Variants in NBEAL1 observed in about 807,000 individuals in gnomAD.
NBEAL1 encodes the protein neurobeachin-like protein 1.
A neutral mutation model predicts 351.3 loss-of-function variants in NBEAL1; 273 were observed. That is an observed-to-expected ratio of 0.78 (90% CI 0.70 to 0.86). The LOEUF (loss-of-function observed/expected upper bound fraction) is 0.86, where lower values mean the gene tolerates loss of function less well. Ranked by LOEUF, NBEAL1 falls within the 40% of genes least tolerant of loss-of-function variation. NBEAL1 has a pLI of 0.00. For missense variants in NBEAL1, 2,961 were observed against 3,201.3 expected (o/e 0.92, Z 1.81); for synonymous variants, 1,050 against 1,086.4 (o/e 0.97, Z 0.66).
chr2:203,082,549 A>G (rs772824628), intron 8 of NBEAL1, among the ~76,000 whole-genome samples: 8 of 152,204 alleles, frequency 5.3e-5, no homozygotes, highest in Non-Finnish European at 1.0e-4. Flanking sequence ...CTTGACATAT[A>G]ACTACCAATT....
intron 2 of NBEAL1, among the ~76,000 whole-genome samples, chr2:203,020,528 G>A (rs1052039556): frequency 2.6e-5 from 4 of 151,898 alleles, no homozygotes; most frequent in African/African-American, 7.3e-5. Flanking sequence ...AAAATTAGCC[G>A]GGCATGGTGG....
rs1454687603 is a variant in NBEAL1 at position 203,113,039 on chromosome 2, T to C, written c.2227T>C (p.Ser743Pro). The C allele has an allele frequency of 2.6e-6, 4 of 1,511,774 alleles. No individual in the cohort carries two copies. The highest frequency in any genetic ancestry group is 3.5e-6 in the Non-Finnish European group (4 of 1,128,336). 93.6% of individuals were successfully genotyped at this position (1,511,774 alleles called of 1,614,324 possible). Residue 743 changes from serine to proline, a missense_variant, in exon 17 of 56, where the codon TCA becomes CCA. By Grantham distance (74) the Ser-to-Pro change is moderately conservative (BLOSUM62 -1). Coordinates refer to ENST00000683969, the MANE Select transcript of NBEAL1 (RefSeq NM_001378026.1). ...GCCCTTTACTTCCTGTTGCATTGGT[T>C]CAGCTGGGCAAAGAACCACCACTCC... ...NEPFTSCCIG[S>P]AGQRTTTPPP...
At chr2:203,142,330 A>G (rs560468310) in intron 31 of NBEAL1, among the ~76,000 whole-genome samples, 37 of 152,130 alleles carry the variant, frequency 2.4e-4, no homozygotes, top group Non-Finnish European at 2.9e-4. Context: ...TAATTTTTGT[A>G]TTTTTAGTAG....
At chr2:203,040,703 T>G in intron 2 of NBEAL1, 1 of 620,642 alleles carries the variant, frequency 1.6e-6, no homozygotes, top group Non-Finnish European at 3.0e-6. Context: ...GGGAAGTATT[T>G]CCAGGAGATC....
chr2:203,113,103 C>G lies in NBEAL1; in HGVS notation c.2291C>G (p.Pro764Arg), dbSNP rs777601836. Reference sequence around the variant, plus strand: ...ATCCCAGATCCACCTTTCTCTTCTCCCATTACCCCTCATCGGACATCATTT... The same window carrying G: ...ATCCCAGATCCACCTTTCTCTTCTCGCATTACCCCTCATCGGACATCATTT... ...SQIPDPPFSS[P>R]ITPHRTSFGG... The change falls in exon 17 of 56, where the codon CCC becomes CGC. Residue 764 changes from proline (P) to arginine (R), a missense_variant. Pro to Arg is a moderately radical substitution (Grantham distance 103). Coordinates refer to ENST00000683969, the MANE Select transcript of NBEAL1 (RefSeq NM_001378026.1). The G allele has an allele frequency of 5.8e-6, 9 of 1,552,398 alleles. No individual in the cohort carries two copies. The South Asian group carries it at 9.5e-5, about 16-fold the overall frequency.
intron 46 of NBEAL1, among the ~76,000 whole-genome samples, chr2:203,192,165 A>C (rs530023350): frequency 1.8e-4 from 27 of 152,306 alleles, no homozygotes; most frequent in African/African-American, 6.5e-4. Flanking sequence ...TGTGAAGTCA[A>C]TGCTTTATCC....
chr2:203,124,166 G>A (rs919696203), intron 19 of NBEAL1, among the ~76,000 whole-genome samples: 1 of 151,990 alleles, frequency 6.6e-6, no homozygotes. Flanking sequence ...GCAAAACTTT[G>A]TACAAAAAAT....
chr2:203,056,882 A>G (rs1223936088), intron 5 of NBEAL1, among the ~76,000 whole-genome samples: 2 of 152,122 alleles, frequency 1.3e-5, no homozygotes, highest in Non-Finnish European at 2.9e-5. Flanking sequence ...TATTTTTTAT[A>G]TTATAGTTAG....
In NBEAL1 at chr2:203,126,850, A is replaced by C. The variant is rs763314269; in HGVS notation, c.3172A>C (p.Ile1058Leu). 2.9e-5 allele frequency: 45 copies of C among 1,552,464 alleles called. No individual in the cohort carries two copies. The highest frequency in any genetic ancestry group is 3.9e-5 in the Non-Finnish European group (45 of 1,147,110). ...IGHIQYLSTIIKDSRRVFRKK... is the reference protein window; with the variant it reads ...IGHIQYLSTILKDSRRVFRKK... ...TCACATACAGTATCTTTCAACCATC[A>C]TTAAAGACAGCAGGAGAGTTTTCCG... Residue 1058 changes from isoleucine to leucine, a missense_variant, in exon 23 of 56, where the codon ATT (isoleucine) becomes CTT (leucine). By Grantham distance (5) the Ile-to-Leu change is conservative. Coordinates refer to ENST00000683969, the MANE Select transcript of NBEAL1 (RefSeq NM_001378026.1).
At position 203,217,448 on chromosome 2, in the gene NBEAL1, C is replaced by T; in HGVS notation, c.*94C>T. ...CTCAACTCTCTGCAATGTTGCAAGGCTTTTATCCCTGAAAATCATTTACAG... is the reference window on the plus strand; with the variant it reads ...CTCAACTCTCTGCAATGTTGCAAGGTTTTTATCCCTGAAAATCATTTACAG... On this transcript the variant is annotated 3_prime_UTR_variant, in exon 56 of 56. Transcript: ENST00000683969. The T allele has an allele frequency of 7.4e-7, 1 of 1,350,070 alleles. No individual in the cohort carries two copies. The highest frequency in any genetic ancestry group is 9.6e-7 in the Non-Finnish European group (1 of 1,044,718). 83.6% of individuals were successfully genotyped at this position (1,350,070 alleles called of 1,614,324 possible).
intron 55 of NBEAL1, among the ~76,000 whole-genome samples, chr2:203,214,889 T>A (rs951694980): frequency 7.9e-5 from 12 of 152,346 alleles, no homozygotes; most frequent in Admixed American, 5.9e-4. Flanking sequence ...TTTAATCATG[T>A]ACCAGTTTAT....
intron 8 of NBEAL1, 108 bp from the exon 9 acceptor site, chr2:203,083,111 C>CT: frequency 2.1e-6 from 2 of 963,862 alleles, no homozygotes; most frequent in Non-Finnish European, 3.0e-6. Flanking sequence ...ATTTTTATGT[C>CT]TTTATTAAAA....
At chr2:203,191,151 A>T (rs2065070401) in intron 46 of NBEAL1, 1 of 1,579,378 alleles carries the variant, frequency 6.3e-7, no homozygotes, top group Non-Finnish European at 8.6e-7. Flanking sequence ...TAGCCAGAGA[A>T]CTCTCTGGAA....
At chr2:203,126,737 A>G (rs1040046137) in intron 22 of NBEAL1, 21 bp downstream of exon 22, 2 of 1,512,248 alleles carry the variant, frequency 1.3e-6, no homozygotes, top group African/African-American at 2.8e-5. Flanking sequence ...GCTTTCAGAT[A>G]AACATTTTAT....
intron 2 of NBEAL1, among the ~76,000 whole-genome samples, chr2:203,029,363 A>G (rs2060912971): frequency 6.6e-6 from 1 of 152,218 alleles, no homozygotes; most frequent in South Asian, 2.1e-4. Flanking sequence ...GCAAGAGGAC[A>G]TATTTTACCT....
At chr2:203,198,649 C>T (rs1431607949) in intron 48 of NBEAL1, among the ~76,000 whole-genome samples, 1 of 151,828 alleles carries the variant, frequency 6.6e-6, no homozygotes, top group Admixed American at 6.6e-5. Flanking sequence ...ATTTCTTGAG[C>T]TTAGGAGTTC....
At position 203,130,204 on chromosome 2, in the gene NBEAL1, G is replaced by C. The variant is rs1029010081; in HGVS notation, c.3406-114G>C. On this transcript the variant is annotated intron_variant, in intron 24 of 55. Coordinates refer to ENST00000683969, the MANE Select transcript of NBEAL1 (RefSeq NM_001378026.1). ...AAGACATCATATCAGATATAGTGAA[G>C]TTAAGATAAAACATTATATAGGATT... is the stretch of plus-strand genomic sequence containing the variant. The C allele has an allele frequency of 1.2e-5, 12 of 1,021,832 alleles. No homozygotes were observed. In the South Asian group the frequency reaches 2.3e-4, roughly 19 times the overall value. 63.3% of individuals were successfully genotyped at this position (1,021,832 alleles called of 1,614,324 possible).
At chr2:203,131,402 G>GTAGAA (rs1457541974) in intron 25 of NBEAL1, among the ~76,000 whole-genome samples, 1 of 152,124 alleles carries the variant, frequency 6.6e-6, no homozygotes. Context: ...TTTTAGTAGA[G>GTAGAA]ACAGGGTTTC....
chr2:203,153,440 G>A (rs533509762), intron 35 of NBEAL1, among the ~76,000 whole-genome samples: 2 of 151,780 alleles, frequency 1.3e-5, no homozygotes, highest in Non-Finnish European at 2.9e-5. Flanking sequence ...CGGCATGGCT[G>A]GCCAGATCTT....
Sources: gnomAD v4.1 joint callset for allele counts (sites outside exome capture counted in the v4.1 genomes callset) on GRCh38, gnomAD v4.1.1 for gene constraint, MANE v1.5 for transcripts, NCBI Gene and HGNC (gene_info 2026-07-23, HGNC 2026-07-21) for gene names.